Variants in EGFLAM observed in about 807,000 individuals in gnomAD.
EGFLAM encodes the protein pikachurin.
A neutral mutation model predicts 113.1 loss-of-function variants in EGFLAM; 79 were observed. The ratio of observed to expected loss-of-function variants is 0.70; its 90% CI spans 0.58 to 0.84. The LOEUF is 0.84. Ranked by LOEUF, EGFLAM falls within the 40% of genes least tolerant of loss-of-function variation. EGFLAM has a pLI of 0.00. For missense variants in EGFLAM, 1,265 were observed against 1,291.6 expected, an observed-to-expected ratio of 0.98 and a Z score of 0.32; for synonymous variants, 504 against 487.6, an observed-to-expected ratio of 1.03 and a Z score of -0.44.
chr5:38,357,236 T>C (rs928567651), intron 5 of EGFLAM, among the ~76,000 whole-genome samples: 1 of 152,034 alleles, frequency 6.6e-6, no homozygotes, highest in East Asian at 1.9e-4. Flanking sequence ...AGCCTGGGCA[T>C]CACAGTGAGA....
At chr5:38,407,651 G>A (rs1741333653) in intron 8 of EGFLAM, among the ~76,000 whole-genome samples, 154 bp from the exon 9 acceptor site, 1 of 152,230 alleles carries the variant, frequency 6.6e-6, no homozygotes. Flanking sequence ...AATGAGAGTT[G>A]TAGGTATAAA....
intron 1 of EGFLAM, among the ~76,000 whole-genome samples, chr5:38,303,898 G>A (rs1758656974): frequency 6.6e-6 from 1 of 152,052 alleles, no homozygotes; most frequent in South Asian, 2.1e-4. Context: ...CACTTTGGGA[G>A]GCTGAGGCAG....
chr5:38,356,932 G>A (rs1486113258), intron 5 of EGFLAM, among the ~76,000 whole-genome samples: 1 of 152,176 alleles, frequency 6.6e-6, no homozygotes, highest in Non-Finnish European at 1.5e-5. Flanking sequence ...ATGGTATTAG[G>A]ATGAGGTCTT....
At chr5:38,269,724 C>G (rs1158382253) in intron 1 of EGFLAM, among the ~76,000 whole-genome samples, 1 of 152,168 alleles carries the variant, frequency 6.6e-6, no homozygotes, top group African/African-American at 2.4e-5. Flanking sequence ...CTCCTGACCT[C>G]ATGATCCGCC....
intron 1 of EGFLAM, among the ~76,000 whole-genome samples, chr5:38,269,682 G>A (rs1757721224): frequency 6.6e-6 from 1 of 151,878 alleles, no homozygotes; most frequent in South Asian, 2.1e-4. Flanking sequence ...GTAGAGACGG[G>A]GTTTCACTGT....
chr5:38,387,259 C>T lies in EGFLAM; in HGVS notation c.712+16797C>T, dbSNP rs368351091. Among the ~76,000 whole-genome samples the T allele has an allele frequency of 4.4e-4, 67 of 152,312 alleles. No individual in the cohort carries two copies. In the South Asian group the frequency reaches 0.014, roughly 31 times the overall value. On this transcript the variant is annotated intron_variant, in intron 6 of 21. Coordinates refer to ENST00000322350, the MANE Select transcript of EGFLAM (RefSeq NM_152403.4). ...AAACCACCTCCACTGGCTTGTTGCTCTCCTGCTCCTCCTTGCTCAGGATAA... is the reference window on the plus strand; with the variant it reads ...AAACCACCTCCACTGGCTTGTTGCTTTCCTGCTCCTCCTTGCTCAGGATAA...
At chr5:38,276,830 A>T (rs1381610786) in intron 1 of EGFLAM, among the ~76,000 whole-genome samples, 7 of 152,138 alleles carry the variant, frequency 4.6e-5, no homozygotes, top group African/African-American at 1.7e-4. Context: ...AAATGGATAA[A>T]TGGCCACATA....
chr5:38,452,647 T>C (rs1469657068), intron 19 of EGFLAM, among the ~76,000 whole-genome samples: 2 of 152,222 alleles, frequency 1.3e-5, no homozygotes, highest in Non-Finnish European at 2.9e-5. Flanking sequence ...ATTCTGACTC[T>C]GCTCCCTGTT....
At chr5:38,261,905 A>G (rs1181057514) in intron 1 of EGFLAM, among the ~76,000 whole-genome samples, 1 of 152,194 alleles carries the variant, frequency 6.6e-6, no homozygotes, top group South Asian at 2.1e-4. Flanking sequence ...GGCCCACTAC[A>G]GTACCTGAGG....
intron 6 of EGFLAM, among the ~76,000 whole-genome samples, chr5:38,384,470 C>A (rs932617216): frequency 6.6e-6 from 1 of 152,224 alleles, no homozygotes; most frequent in Admixed American, 6.5e-5. Flanking sequence ...TCCCATGCTC[C>A]CAAGTGGGGA....
intron 3 of EGFLAM, among the ~76,000 whole-genome samples, chr5:38,344,260 C>G (rs774530930): frequency 6.6e-6 from 1 of 152,144 alleles, no homozygotes; most frequent in Non-Finnish European, 1.5e-5. Flanking sequence ...CTGAGGTGGG[C>G]AGATCACCTG....
chr5:38,272,648 GT>G (rs1374463567), intron 1 of EGFLAM, among the ~76,000 whole-genome samples: 1 of 152,092 alleles, frequency 6.6e-6, no homozygotes, highest in Non-Finnish European at 1.5e-5. Context: ...TTCATTCTTT[GT>G]TTTTTAAGAA....
At chr5:38,394,367 C>T (rs887865870) in intron 6 of EGFLAM, among the ~76,000 whole-genome samples, 2 of 151,744 alleles carry the variant, frequency 1.3e-5, no homozygotes, top group Non-Finnish European at 1.5e-5. Context: ...TCTTGTGTTA[C>T]GTGTTACTTT....
chr5:38,464,724 T>C lies in EGFLAM; in HGVS notation c.*738T>C, dbSNP rs945321022. The stretch of plus-strand genomic sequence containing the variant: ...GTCCACACAGTATACTTTTGGAAGT[T>C]TGGGTGGATGACTCTGAATTCTTGC... On this transcript the variant is annotated 3_prime_UTR_variant, in exon 22 of 22. Coordinates refer to ENST00000322350, the MANE Select transcript of EGFLAM (RefSeq NM_152403.4). The C allele has an allele frequency of 1.3e-5, 2 of 152,176 alleles. No homozygotes were observed. Among genetic ancestry groups the C allele is most frequent in the African/African-American group, 2.4e-5 (1 of 41,436 alleles). 9.4% of individuals were successfully genotyped at this position (152,176 alleles called of 1,614,324 possible).
chr5:38,433,019 A>G (rs1254909113), intron 15 of EGFLAM, among the ~76,000 whole-genome samples: 1 of 152,178 alleles, frequency 6.6e-6, no homozygotes, highest in Non-Finnish European at 1.5e-5. Flanking sequence ...CATTGGAGGG[A>G]CATTCTGCTG....
chr5:38,334,316 A>G (rs1451242068), intron 1 of EGFLAM, among the ~76,000 whole-genome samples: 1 of 152,292 alleles, frequency 6.6e-6, no homozygotes, highest in South Asian at 2.1e-4. Context: ...AGAGAAATCT[A>G]TTTTTCACAG....
chr5:38,449,337 G>T (rs748929739), intron 18 of EGFLAM, among the ~76,000 whole-genome samples: 2 of 152,142 alleles, frequency 1.3e-5, no homozygotes, highest in Non-Finnish European at 2.9e-5. Context: ...CCCTGGTAAC[G>T]CCCAACACAC....
At chr5:38,364,540 C>CA (rs1480945976) in intron 5 of EGFLAM, among the ~76,000 whole-genome samples, 1 of 151,540 alleles carries the variant, frequency 6.6e-6, no homozygotes, top group Non-Finnish European at 1.5e-5. Flanking sequence ...AGGGTCACAC[C>CA]AAAAAAAGGC....
At chr5:38,390,013 A>G (rs1198950085) in intron 6 of EGFLAM, among the ~76,000 whole-genome samples, 3 of 152,170 alleles carry the variant, frequency 2.0e-5, no homozygotes, top group Admixed American at 1.3e-4. Context: ...GAACAACTGT[A>G]TATTCATGAC....
Sources: gnomAD v4.1 joint callset for allele counts (sites outside exome capture counted in the v4.1 genomes callset) on GRCh38, gnomAD v4.1.1 for gene constraint, MANE v1.5 for transcripts, NCBI Gene and HGNC (gene_info 2026-07-23, HGNC 2026-07-21) for gene names.